The following ABTB3 variants were observed in gnomAD, a reference collection of about 807,000 sequenced individuals.
ABTB3 encodes the protein ankyrin repeat- and BTB/POZ domain-containing protein 3.
At chr12:107,543,442 T>C in the ABTB3 span, among the ~76,000 whole-genome samples, 2 of 151,944 alleles carry the variant, frequency 1.3e-5, no homozygotes, top group Non-Finnish European at 2.9e-5. Flanking sequence ...GGAATTAATT[T>C]ATAAGCAGAT....
chr12:107,386,009 T>C, the ABTB3 span, among the ~76,000 whole-genome samples: 2 of 141,944 alleles, frequency 1.4e-5, no homozygotes, highest in Non-Finnish European at 3.1e-5. Flanking sequence ...TCCTGTTGTG[T>C]GACCTTGACC....
At chr12:107,589,581 G>C in the ABTB3 span, among the ~76,000 whole-genome samples, 1 of 152,234 alleles carries the variant, frequency 6.6e-6, no homozygotes, top group Non-Finnish European at 1.5e-5. Context: ...CTCACTAATG[G>C]GAAAAGATAG....
At chr12:107,534,128 C>A in the ABTB3 span, among the ~76,000 whole-genome samples, 1 of 151,590 alleles carries the variant, frequency 6.6e-6, no homozygotes, top group Non-Finnish European at 1.5e-5. Context: ...GAGCCAAGGG[C>A]TTTGAGGCTA....
the ABTB3 span, among the ~76,000 whole-genome samples, chr12:107,340,196 G>A: frequency 6.6e-6 from 1 of 152,074 alleles, no homozygotes; most frequent in Non-Finnish European, 1.5e-5. Context: ...TCATGTGTTG[G>A]AGTTGATAAT....
chr12:107,409,715 A>T, the ABTB3 span, among the ~76,000 whole-genome samples: 2 of 152,176 alleles, frequency 1.3e-5, no homozygotes, highest in Non-Finnish European at 1.5e-5. Context: ...GTTTGCAGGG[A>T]GTGAGAGTAT....
the ABTB3 span, among the ~76,000 whole-genome samples, chr12:107,509,906 G>C: frequency 6.6e-6 from 1 of 152,164 alleles, no homozygotes; most frequent in Non-Finnish European, 1.5e-5. Flanking sequence ...TAAATCTTTA[G>C]TTTCAGAGAC....
the ABTB3 span, among the ~76,000 whole-genome samples, chr12:107,523,498 C>G: frequency 5.3e-5 from 8 of 152,304 alleles, 1 homozygote; most frequent in South Asian, 1.7e-3. Flanking sequence ...ACAAAGGAAA[C>G]TGATTACATT....
chr12:107,436,157 T>G, the ABTB3 span, among the ~76,000 whole-genome samples: 2 of 152,194 alleles, frequency 1.3e-5, no homozygotes, highest in African/African-American at 4.8e-5. Flanking sequence ...TTTTTATGAT[T>G]CTTCCTAAGC....
the ABTB3 span, among the ~76,000 whole-genome samples, chr12:107,562,630 C>T: frequency 3.3e-5 from 5 of 152,184 alleles, no homozygotes; most frequent in African/African-American, 1.2e-4. Context: ...CCATATGTGA[C>T]AAGAAGCTCA....
the ABTB3 span, among the ~76,000 whole-genome samples, chr12:107,442,916 A>T: frequency 6.6e-6 from 1 of 152,182 alleles, no homozygotes; most frequent in South Asian, 2.1e-4. Flanking sequence ...TCCAGGATCA[A>T]GGCACCAGCA....
At chr12:107,422,552 T>C in the ABTB3 span, among the ~76,000 whole-genome samples, 27 of 152,226 alleles carry the variant, frequency 1.8e-4, no homozygotes, top group Non-Finnish European at 1.5e-5. Flanking sequence ...GAGGAGACTT[T>C]CACAGTTGTT....
chr12:107,391,882 A>G, the ABTB3 span, among the ~76,000 whole-genome samples: 2 of 152,250 alleles, frequency 1.3e-5, no homozygotes, highest in African/African-American at 4.8e-5. Flanking sequence ...TGCATTTTCT[A>G]GGGAGAAGGT....
chr12:107,396,286 C>G, the ABTB3 span, among the ~76,000 whole-genome samples: 1 of 152,292 alleles, frequency 6.6e-6, no homozygotes, highest in Middle Eastern at 3.4e-3. Flanking sequence ...CAGCTTCTGC[C>G]CCCACCTTCT....
At chr12:107,485,280 A>C in the ABTB3 span, among the ~76,000 whole-genome samples, 1 of 152,088 alleles carries the variant, frequency 6.6e-6, no homozygotes, top group Non-Finnish European at 1.5e-5. Flanking sequence ...CTAATGGAAA[A>C]TTGTTAACCA....
chr12:107,613,249 T>C, the ABTB3 span, among the ~76,000 whole-genome samples: 1 of 152,186 alleles, frequency 6.6e-6, no homozygotes, highest in African/African-American at 2.4e-5. Context: ...CAGCCCTCTC[T>C]TTCCACTTAA....
At chr12:107,469,960 CTTTCTTTCTTTCTTTCTT>C in the ABTB3 span, among the ~76,000 whole-genome samples, 1 of 68,576 alleles carries the variant, frequency 1.5e-5, no homozygotes, top group Non-Finnish European at 2.6e-5. Flanking sequence ...TTCTTTCTTT[CTTTCTTTCTTTCTTTCTT>C]TCTTTCTTTC....
chr12:107,545,403 C>T, the ABTB3 span, among the ~76,000 whole-genome samples: 2 of 151,914 alleles, frequency 1.3e-5, no homozygotes, highest in Non-Finnish European at 2.9e-5. Context: ...CCCACCACAC[C>T]CAGCTAATTT....
At chr12:107,410,226 T>TAAA in the ABTB3 span, among the ~76,000 whole-genome samples, 9,598 of 121,946 alleles carry the variant, frequency 0.079, 902 homozygotes, top group East Asian at 0.39. Context: ...TCAGAATTGT[T>TAAA]AAAAAAAAAA....
At chr12:107,328,863 G>A in the ABTB3 span, among the ~76,000 whole-genome samples, 1 of 152,336 alleles carries the variant, frequency 6.6e-6, no homozygotes, top group East Asian at 1.9e-4. Context: ...GTGGGGTAGA[G>A]GGCGGGGCTT....
Sources: allele counts gnomAD v4.1 joint callset (sites outside exome capture counted in the v4.1 genomes callset), GRCh38; gene constraint gnomAD v4.1.1; transcripts MANE v1.5; gene names NCBI Gene and HGNC (gene_info 2026-07-23, HGNC 2026-07-21).